The following RBM6 variants were observed in gnomAD, a reference collection of about 807,000 sequenced individuals.
The protein encoded by RBM6 is RNA-binding protein 6.
A neutral mutation model predicts 140.4 loss-of-function variants in RBM6; 23 were observed. That is an observed-to-expected ratio of 0.16 (90% CI 0.12 to 0.23). RBM6 has a LOEUF of 0.23. RBM6 is among the 10% of genes least tolerant of loss of function. The pLI is 1.00. For missense variants in RBM6, 1,139 were observed against 1,386.7 expected (o/e 0.82, Z 2.84); for synonymous variants, 439 against 475.6 (o/e 0.92, Z 1.00).
chr3:50,051,047 AAG>A (rs894927174), intron 7 of RBM6, among the ~76,000 whole-genome samples: 15 of 151,972 alleles, frequency 9.9e-5, no homozygotes, highest in African/African-American at 1.7e-4. Flanking sequence ...AAGAAAAAAA[AAG>A]AGAGAGAGAG....
chr3:50,007,482 C>T (rs1467445907), intron 6 of RBM6, among the ~76,000 whole-genome samples: 1 of 151,816 alleles, frequency 6.6e-6, no homozygotes, highest in African/African-American at 2.4e-5. Flanking sequence ...CTACCATGTC[C>T]GGCCCTTAGT....
intron 6 of RBM6, among the ~76,000 whole-genome samples, chr3:50,008,175 T>C (rs1480569745): frequency 6.6e-6 from 1 of 152,224 alleles, no homozygotes; most frequent in Non-Finnish European, 1.5e-5. Context: ...AGAGGTGCTC[T>C]AAACGACTCA....
intron 6 of RBM6, among the ~76,000 whole-genome samples, chr3:50,028,834 T>C (rs571619889): frequency 7.2e-5 from 11 of 152,368 alleles, no homozygotes; most frequent in African/African-American, 2.4e-4. Context: ...TGGCTCTGTT[T>C]TATTCTTCAT....
Position 50,054,331 on chromosome 3 carries a change from A to G in RBM6, c.1633-4A>G. The G allele has an allele frequency of 6.2e-7, 1 of 1,607,902 alleles. No individual in the cohort carries two copies. Among genetic ancestry groups the G allele is most frequent in the Non-Finnish European group, 8.5e-7 (1 of 1,174,458 alleles). On this transcript the variant is annotated splice_region_variant and splice_polypyrimidine_tract_variant and intron_variant, in intron 7 of 20. Transcript: ENST00000266022. ...AGTCAAATTGATTTCCTTCTTCCTTACAGTGTAAGGCAAACATTGGTGGGC... is the reference window on the plus strand; with the variant it reads ...AGTCAAATTGATTTCCTTCTTCCTTGCAGTGTAAGGCAAACATTGGTGGGC...
intron 3 of RBM6, among the ~76,000 whole-genome samples, chr3:49,968,969 G>GC (rs1356908851): frequency 9.4e-6 from 1 of 106,822 alleles, no homozygotes; most frequent in Non-Finnish European, 2.1e-5. Flanking sequence ...CGCCCGGCCT[G>GC]CTTTTTTTTT....
intron 6 of RBM6, among the ~76,000 whole-genome samples, chr3:50,035,029 C>T (rs1278502870): frequency 2.1e-5 from 3 of 144,974 alleles, no homozygotes; most frequent in African/African-American, 7.6e-5. Flanking sequence ...CTTCCCTCCC[C>T]TCCCCTCCCC....
chr3:50,013,436 C>T (rs745940029), intron 6 of RBM6, among the ~76,000 whole-genome samples: 4 of 151,978 alleles, frequency 2.6e-5, no homozygotes, highest in Admixed American at 6.6e-5. Flanking sequence ...TTTCAGAGGC[C>T]GAGGGAGGCG....
chr3:49,975,356 C>G lies in RBM6; in HGVS notation c.1447C>G (p.Pro483Ala). The change falls in exon 5 of 21, where the codon CCT becomes GCT. Residue 483 changes from proline (P) to alanine (A), a missense_variant. Physicochemically the swap from Pro to Ala is conservative, Grantham distance 27. This residue lies in a region of RBM6 where 566 missense variants were observed against 612.7 expected (regional missense o/e 0.92). Coordinates refer to ENST00000266022, the MANE Select transcript of RBM6 (RefSeq NM_005777.3). ...LNAFRTPDGM[P>A]VKNLQLKEYN... Reference sequence around the variant, plus strand: ...TGCTTTTCGGACTCCTGATGGCATGCCTGTAAAGAACTTGCAGTTGAAGGA... The same window carrying G: ...TGCTTTTCGGACTCCTGATGGCATGGCTGTAAAGAACTTGCAGTTGAAGGA... The G allele has an allele frequency of 6.2e-7, 1 of 1,613,824 alleles. No homozygotes were observed. The highest frequency in any genetic ancestry group is 8.5e-7 in the Non-Finnish European group (1 of 1,179,730).
intron 6 of RBM6, among the ~76,000 whole-genome samples, chr3:50,011,772 T>C (rs1383114251): frequency 6.6e-6 from 1 of 152,144 alleles, no homozygotes; most frequent in African/African-American, 2.4e-5. Flanking sequence ...TCAATGATTT[T>C]TTAGTAAATT....
chr3:50,057,838 C>T lies in RBM6; in HGVS notation c.1804C>T (p.Pro602Ser), dbSNP rs375047377. The change falls in exon 9 of 21, where the codon CCT becomes TCT. Residue 602 changes from proline to serine, a missense_variant. Around this residue, in one of 9 missense-constraint regions of RBM6, gnomAD observed 109 missense variants for 101.9 expected, o/e 1.07. Coordinates refer to ENST00000266022, the MANE Select transcript of RBM6 (RefSeq NM_005777.3). Reference sequence around the variant, plus strand: ...GCCCCTAAGACCAGCTGATAAGGAACCTGAACCCAGGAAGAGGGAAGAAGG... The same window carrying T: ...GCCCCTAAGACCAGCTGATAAGGAATCTGAACCCAGGAAGAGGGAAGAAGG... ...NQPLRPADKE[P>S]EPRKREEGQE... The T allele has an allele frequency of 1.9e-6, 3 of 1,613,716 alleles. No individual in the cohort carries two copies. Among genetic ancestry groups the T allele is most frequent in the Non-Finnish European group, 2.5e-6 (3 of 1,179,988 alleles).
chr3:49,994,527 T>C (rs2085979390), intron 5 of RBM6, among the ~76,000 whole-genome samples: 1 of 152,224 alleles, frequency 6.6e-6, no homozygotes, highest in East Asian at 1.9e-4. Flanking sequence ...AAACCTGTAT[T>C]ATCAATGAAA....
At chr3:50,019,569 G>A (rs892096912) in intron 6 of RBM6, among the ~76,000 whole-genome samples, 1 of 151,728 alleles carries the variant, frequency 6.6e-6, no homozygotes, top group Admixed American at 6.6e-5. Flanking sequence ...TGCCAAAACT[G>A]GTCTCCAGCT....
At chr3:49,985,292 G>T (rs1437651809) in intron 5 of RBM6, among the ~76,000 whole-genome samples, 3 of 152,226 alleles carry the variant, frequency 2.0e-5, no homozygotes, top group Admixed American at 1.3e-4. Flanking sequence ...ATGAGCACCA[G>T]ATAGAGGCCA....
intron 1 of RBM6, among the ~76,000 whole-genome samples, chr3:49,953,370 C>T (rs774217997): frequency 5.3e-5 from 8 of 151,996 alleles, no homozygotes; most frequent in Non-Finnish European, 1.2e-4. Context: ...CAGGCGTGTG[C>T]CACCACGCCC....
intron 6 of RBM6, among the ~76,000 whole-genome samples, chr3:50,017,711 C>G (rs1481414373): frequency 6.6e-6 from 1 of 151,996 alleles, no homozygotes; most frequent in Non-Finnish European, 1.5e-5. Context: ...TAAGTATTTT[C>G]TCTCAATCTG....
intron 5 of RBM6, among the ~76,000 whole-genome samples, chr3:49,995,877 G>A (rs1204708273): frequency 6.6e-6 from 1 of 152,062 alleles, no homozygotes; most frequent in East Asian, 1.9e-4. Context: ...CCTTTTCTGT[G>A]AATTGTAAAA....
At chr3:49,983,658 A>G (rs1354838505) in intron 5 of RBM6, among the ~76,000 whole-genome samples, 1 of 152,204 alleles carries the variant, frequency 6.6e-6, no homozygotes, top group Non-Finnish European at 1.5e-5. Flanking sequence ...TATCATTTTT[A>G]CTTGTCACAT....
At chr3:50,035,768 T>A (rs1024837631) in intron 6 of RBM6, among the ~76,000 whole-genome samples, 4 of 147,590 alleles carry the variant, frequency 2.7e-5, no homozygotes, top group African/African-American at 7.9e-5. Context: ...TTAAAAAAAT[T>A]TTTTTTTTTT....
intron 6 of RBM6, among the ~76,000 whole-genome samples, chr3:50,008,221 T>C (rs1442727915): frequency 6.6e-6 from 1 of 152,238 alleles, no homozygotes; most frequent in Non-Finnish European, 1.5e-5. Context: ...TAAACATTTA[T>C]CATTTGGCAG....
Sources: gnomAD v4.1 joint callset for allele counts (sites outside exome capture counted in the v4.1 genomes callset) on GRCh38, gnomAD v4.1.1 for gene constraint, gnomAD v4.1.1 regional missense constraint, MANE v1.5 for transcripts, NCBI Gene and HGNC (gene_info 2026-07-23, HGNC 2026-07-21) for gene names.